The following CAMKK2 variants were observed in gnomAD, a reference collection of about 807,000 sequenced individuals.
CAMKK2 encodes calcium/calmodulin-dependent protein kinase kinase 2.
Under a neutral mutation model 67.2 loss-of-function variants are expected in CAMKK2, and 30 were observed. That is an observed-to-expected ratio of 0.45 (90% CI 0.33 to 0.61). The LOEUF is 0.61. CAMKK2 is among the 20% of genes least tolerant of loss of function. The pLI, the probability that CAMKK2 is intolerant of heterozygous loss-of-function variation, is 0.02. For synonymous variants in CAMKK2, 322 were observed against 326.2 expected, an observed-to-expected ratio of 0.99 and a Z score of 0.14; for missense variants, 643 against 802.0, an observed-to-expected ratio of 0.80 and a Z score of 2.39.
intron 1 of CAMKK2, among the ~76,000 whole-genome samples, chr12:121,288,895 G>T (rs1390017640): frequency 2.0e-5 from 3 of 152,072 alleles, no homozygotes; most frequent in Non-Finnish European, 4.4e-5. Context: ...GGGTGGGGTG[G>T]GGGTGGGGGC....
chr12:121,287,976 AT>A (rs1386247619), intron 1 of CAMKK2, among the ~76,000 whole-genome samples: 1 of 152,186 alleles, frequency 6.6e-6, no homozygotes, highest in African/African-American at 2.4e-5. Flanking sequence ...TGTCTCGAAA[AT>A]TTTTAAATTT....
chr12:121,275,352 C>T (rs1487520132), intron 1 of CAMKK2, among the ~76,000 whole-genome samples: 2 of 151,700 alleles, frequency 1.3e-5, no homozygotes, highest in Non-Finnish European at 2.9e-5. Context: ...GGCATGGTGG[C>T]GTGTGCCTGT....
rs1016581271 is a variant in CAMKK2 at position 121,288,013 on chromosome 12, A to G, written c.-60+8625T>C. The stretch of plus-strand genomic sequence containing the variant: ...AAAAAATATAAATAAAAATAAAACC[A>G]GGTGTGCATGGGTGGCCCCAGCCTT... On this transcript the variant is annotated intron_variant, in intron 1 of 16. Coordinates refer to ENST00000404169, the MANE Select transcript of CAMKK2 (RefSeq NM_001270485.2). Among the ~76,000 whole-genome samples, 7 of 152,278 alleles carry G rather than the reference A, an allele frequency of 4.6e-5. No individual in the cohort carries two copies. The South Asian group carries it at 8.3e-4, about 18-fold the overall frequency.
upstream of CAMKK2, chr12:121,296,785 C>A (rs1177107818): frequency 6.8e-6 from 1 of 146,334 alleles, no homozygotes; most frequent in African/African-American, 2.5e-5. This position sits in a 1 kb window ranked among gnomAD's most constrained non-coding sequence, Gnocchi z 7.1. Context: ...CCGCCCGGCT[C>A]GGCTTGGGCG....
chr12:121,292,509 A>G (rs1390176689), intron 1 of CAMKK2, among the ~76,000 whole-genome samples: 1 of 152,152 alleles, frequency 6.6e-6, no homozygotes, highest in Non-Finnish European at 1.5e-5. Context: ...CTGAAAGAAG[A>G]TCGGTTTCAA....
intron 5 of CAMKK2, among the ~76,000 whole-genome samples, chr12:121,268,093 T>C (rs1002501617): frequency 6.8e-6 from 1 of 146,142 alleles, no homozygotes; most frequent in East Asian, 2.0e-4. Flanking sequence ...CATATATATA[T>C]ATATATACTC....
At chr12:121,274,732 C>CCTG in intron 1 of CAMKK2, 147 bp from the exon 2 acceptor site, 1 of 556,494 alleles carries the variant, frequency 1.8e-6, no homozygotes, top group Admixed American at 3.1e-5. Context: ...GTGATCTGAT[C>CCTG]TCTGAGTCTA....
intron 1 of CAMKK2, among the ~76,000 whole-genome samples, chr12:121,279,167 C>T (rs1300452473): frequency 1.3e-5 from 2 of 152,276 alleles, no homozygotes; most frequent in Non-Finnish European, 2.9e-5. Flanking sequence ...AAGCTGGCAT[C>T]TGGCCCGGGC....
intron 7 of CAMKK2, among the ~76,000 whole-genome samples, chr12:121,258,735 A>G (rs541541864): frequency 6.6e-6 from 1 of 152,282 alleles, no homozygotes; most frequent in East Asian, 1.9e-4. Flanking sequence ...CAGCTCAAGC[A>G]GATCACGAAA....
chr12:121,292,946 G>A (rs983339009), intron 1 of CAMKK2, among the ~76,000 whole-genome samples: 16 of 150,132 alleles, frequency 1.1e-4, no homozygotes, highest in Non-Finnish European at 1.5e-5. Context: ...TCCACCCTGA[G>A]CAACAAAGTG....
Position 121,269,567 on chromosome 12 carries a change from G to A in CAMKK2, c.534C>T (p.Val178=), listed in dbSNP as rs377203622. 6.2e-7 allele frequency: 1 copy of A among 1,607,262 alleles called. No homozygotes were observed. The highest frequency in any genetic ancestry group is 1.1e-5 in the South Asian group (1 of 89,780). ...CATTTTCATTGTAGGCCAACTTGAC[G>A]ACACCATAGGAGCCCTGGATAAAGG... The part of the protein sequence containing the change: ...KDEIGKGSYG[V]VKLAYNENDN... The change falls in exon 4 of 17, where the codon GTC becomes GTT. Residue 178 remains valine, a synonymous_variant. Transcript: ENST00000404169.
At position 121,285,004 on chromosome 12, in the gene CAMKK2, CAGA is replaced by C. The variant is rs1898459182; in HGVS notation, c.-59-10422_-59-10420del. ...TTATTTCTTCTGTCCCAAGGCCACT[CAGA>C]AGGTCAGAAGCTTTCTTTAGCTGGC... On this transcript the variant is annotated intron_variant, in intron 1 of 16. Coordinates refer to ENST00000404169, the MANE Select transcript of CAMKK2 (RefSeq NM_001270485.2). The surrounding 1 kb of genome is among the most constrained non-coding windows in gnomAD (Gnocchi z 4.1). 6.6e-6 allele frequency among the ~76,000 whole-genome samples: 1 copy of C among 152,214 alleles called. No individual in the cohort carries two copies. The highest frequency in any genetic ancestry group is 2.4e-5 in the African/African-American group (1 of 41,464).
chr12:121,287,540 TCA>T (rs1899000160), intron 1 of CAMKK2, among the ~76,000 whole-genome samples: 1 of 152,202 alleles, frequency 6.6e-6, no homozygotes, highest in African/African-American at 2.4e-5. Flanking sequence ...CCCTGGATAC[TCA>T]CAGAGTAAGC....
In CAMKK2 at chr12:121,245,740, C is replaced by T. The variant is rs140769291; in HGVS notation, c.1453-500G>A. The stretch of plus-strand genomic sequence containing the variant: ...CCCTCACCCCACCCCAACCAGGGCA[C>T]GGTGCCCCTTCAAGCTGTTTTGGGA... On this transcript the variant is annotated intron_variant, in intron 14 of 16. Coordinates refer to ENST00000404169, the MANE Select transcript of CAMKK2 (RefSeq NM_001270485.2). This position sits in a 1 kb window ranked among gnomAD's most constrained non-coding sequence, Gnocchi z 5.8. Among the ~76,000 whole-genome samples the T allele has an allele frequency of 3.9e-5, 6 of 152,350 alleles. No homozygotes were observed. In the East Asian group the frequency reaches 7.7e-4, roughly 20 times the overall value.
intron 1 of CAMKK2, among the ~76,000 whole-genome samples, chr12:121,292,310 G>C (rs1039881577): frequency 1.3e-5 from 2 of 151,828 alleles, no homozygotes; most frequent in African/African-American, 4.8e-5. Context: ...TGTATTTTTA[G>C]TGGGGACGGG....
chr12:121,266,997 A>G (rs1264186815), intron 5 of CAMKK2, among the ~76,000 whole-genome samples: 10 of 121,144 alleles, frequency 8.3e-5, no homozygotes, highest in Admixed American at 6.6e-4. Context: ...ACTGGTCTCC[A>G]TGATGAGCCC....
intron 7 of CAMKK2, among the ~76,000 whole-genome samples, chr12:121,256,222 T>C (rs12308108): frequency 0.027 from 4,069 of 152,134 alleles, 194 homozygotes; most frequent in African/African-American, 0.093. Flanking sequence ...CTACTAAAAA[T>C]ACAAAAATCA....
At chr12:121,287,972 G>A (rs971050980) in intron 1 of CAMKK2, among the ~76,000 whole-genome samples, 3 of 152,074 alleles carry the variant, frequency 2.0e-5, no homozygotes, top group Non-Finnish European at 4.4e-5. Flanking sequence ...GCTCTGTCTC[G>A]AAAATTTTTA....
rs199672958 is a variant in CAMKK2 at position 121,238,634 on chromosome 12, G to A, written c.*2065C>T. ...CACAGCTGGGTGCTGCCTGATTGCT[G>A]GCATTCCCTGGAAGAAATCTTAGAT... On this transcript the variant is annotated 3_prime_UTR_variant, in exon 17 of 17. Coordinates refer to ENST00000404169, the MANE Select transcript of CAMKK2 (RefSeq NM_001270485.2). 6.6e-6 allele frequency: 1 copy of A among 152,656 alleles called. No individual in the cohort carries two copies. Among genetic ancestry groups the A allele is most frequent in the Non-Finnish European group, 1.5e-5 (1 of 68,062 alleles). The allele number at this position is 152,656 out of a possible 1,614,324, so 9.5% of individuals were successfully genotyped here.
Sources: allele counts gnomAD v4.1 joint callset (sites outside exome capture counted in the v4.1 genomes callset), GRCh38; gene constraint gnomAD v4.1.1; non-coding constraint Gnocchi (gnomAD v3.1); transcripts MANE v1.5; gene names NCBI Gene and HGNC (gene_info 2026-07-23, HGNC 2026-07-21).